GALR1: variants seen among roughly 807,000 people sequenced by gnomAD.
GALR1 encodes galanin receptor 1.
Under a neutral mutation model 17.9 loss-of-function variants are expected in GALR1, and 11 were observed. The observed-to-expected ratio is 0.62, with a 90% CI of 0.39 to 1.02. The LOEUF (loss-of-function observed/expected upper bound fraction) is 1.02. Among genes scored for constraint, GALR1 ranks in the 50% least tolerant of loss-of-function variants. GALR1 has a pLI of 0.01. For synonymous variants in GALR1, 206 were observed against 205.7 expected (o/e 1.00, Z -0.01); for missense variants, 441 against 456.9 (o/e 0.97, Z 0.32).
rs1555673300 is a variant in GALR1, at chr18:77,268,539, A to ACTG, written c.733-45_733-44insTGC. The ACTG allele has an allele frequency of 1.2e-5, 15 of 1,275,480 alleles. No homozygotes were observed. The East Asian group carries it at 2.2e-4, about 18-fold the overall frequency. The allele number at this position is 1,275,480 out of a possible 1,614,324, so 79.0% of individuals were successfully genotyped here. ...ATTTCCTTCCTTCTTCTTCTCCCTT[A>ACTG]CCGCCTCCTCCTCCTCCTCCTCCTC... On this transcript the variant is annotated intron_variant, in intron 2 of 2. Transcript: ENST00000299727.
At chr18:77,260,270 T>C (rs1912801155) in intron 2 of GALR1, among the ~76,000 whole-genome samples, 2 of 151,976 alleles carry the variant, frequency 1.3e-5, no homozygotes, top group African/African-American at 2.4e-5. Flanking sequence ...CCTCACAGAG[T>C]GGAAGGTGAA....
intron 1 of GALR1, among the ~76,000 whole-genome samples, chr18:77,254,245 C>T (rs978373172): frequency 9.2e-5 from 14 of 152,162 alleles, no homozygotes; most frequent in Non-Finnish European, 1.8e-4. Context: ...ATCATGGTAC[C>T]TACATTCTTC....
At chr18:77,260,298 C>T (rs548358650) in intron 2 of GALR1, among the ~76,000 whole-genome samples, 2 of 152,204 alleles carry the variant, frequency 1.3e-5, no homozygotes, top group African/African-American at 4.8e-5. Context: ...TCTCTGCGCC[C>T]TCTTTCATAA....
chr18:77,251,786 G>A (rs1229538638), intron 1 of GALR1, among the ~76,000 whole-genome samples: 2 of 152,208 alleles, frequency 1.3e-5, no homozygotes, highest in East Asian at 1.9e-4. Flanking sequence ...CTCTCCCCCG[G>A]GGTGCGCAGT....
intron 1 of GALR1, among the ~76,000 whole-genome samples, chr18:77,254,580 T>G (rs1912544768): frequency 6.6e-6 from 1 of 152,204 alleles, no homozygotes; most frequent in African/African-American, 2.4e-5. Context: ...CAGTGACCAG[T>G]GTTGTCCTGT....
intron 2 of GALR1, among the ~76,000 whole-genome samples, chr18:77,265,234 A>T (rs1912920243): frequency 6.6e-6 from 1 of 152,214 alleles, no homozygotes; most frequent in Non-Finnish European, 1.5e-5. Context: ...AGCCAAAACA[A>T]AGAGGCTACA....
rs908828310 is a variant in GALR1, at chr18:77,258,675, G to A, written c.732+2452G>A. On this transcript the variant is annotated intron_variant, in intron 2 of 2. Transcript: ENST00000299727. ...CATAGTGGTGGTGGTGGTGGTCATG[G>A]TGGTGATGGTGATGGTGGTGGTGGT... Among the ~76,000 whole-genome samples, 10 of 149,174 alleles carry A rather than the reference G, an allele frequency of 6.7e-5. No homozygotes were observed. The East Asian group carries it at 1.4e-3, about 21-fold the overall frequency.
At chr18:77,257,116 C>T (rs151252626) in intron 2 of GALR1, among the ~76,000 whole-genome samples, 264 of 152,122 alleles carry the variant, frequency 1.7e-3, no homozygotes, top group Non-Finnish European at 2.9e-3. Context: ...TAGTTTAGAT[C>T]ATGTTTAATC....
chr18:77,258,863 GTGATGGTGGTGA>G (rs1242574991), intron 2 of GALR1, among the ~76,000 whole-genome samples: 5 of 27,482 alleles, frequency 1.8e-4, no homozygotes, highest in Admixed American at 4.4e-4. Context: ...GATGGTGGTG[GTGATGGTGGTGA>G]TGATGGTGGT....
At chr18:77,256,596 A>G (rs937895791) in intron 2 of GALR1, among the ~76,000 whole-genome samples, 2 of 152,088 alleles carry the variant, frequency 1.3e-5, no homozygotes, top group Non-Finnish European at 2.9e-5. Flanking sequence ...TTATGTTTTC[A>G]ATCTCTGATG....
intron 2 of GALR1, among the ~76,000 whole-genome samples, chr18:77,259,311 G>A (rs62654099): frequency 0.26 from 4,971 of 19,234 alleles, 1,279 homozygotes; most frequent in East Asian, 0.63. Flanking sequence ...GATGATGGTG[G>A]TGATGATGGT....
In GALR1 at chr18:77,271,638, G is replaced by C. The variant is rs978751661; in HGVS notation, c.*2736G>C. On this transcript the variant is annotated 3_prime_UTR_variant, in exon 3 of 3. Coordinates refer to ENST00000299727, the MANE Select transcript of GALR1 (RefSeq NM_001480.4). ...GACACACTTTTTCTCCCAGCATCAGGTTGAGGGAGAAATATTGCTTATACC... is the reference window on the plus strand; with the variant it reads ...GACACACTTTTTCTCCCAGCATCAGCTTGAGGGAGAAATATTGCTTATACC... The C allele has an allele frequency of 6.6e-6, 1 of 152,158 alleles. No individual in the cohort carries two copies. Among genetic ancestry groups the C allele is most frequent in the African/African-American group, 2.4e-5 (1 of 41,432 alleles). The allele number at this position is 152,158 out of a possible 1,614,324, so 9.4% of individuals were successfully genotyped here. A position where few individuals can be genotyped will look rare whatever the true frequency, so the allele number is the denominator to read the frequency against.
rs1438987157 is a variant in GALR1, at chr18:77,250,763, T to A, written c.215T>A (p.Leu72Gln). Residue 72 changes from leucine to glutamine, a missense_variant, in exon 1 of 3, where the codon CTG becomes CAG. Physicochemically the swap from Leu to Gln is moderately radical, Grantham distance 113. Transcript: ENST00000299727. ...GGCAAGCCGCGGAGCACCACCAACC[T>A]GTTCATCCTCAACCTGAGCATCGCC... is the stretch of plus-strand genomic sequence containing the variant. ...KPGKPRSTTN[L>Q]FILNLSIADL... 1 of 1,613,992 alleles carries A rather than the reference T, an allele frequency of 6.2e-7. No homozygotes were observed. The highest frequency in any genetic ancestry group is 1.1e-5 in the South Asian group (1 of 91,086).
At chr18:77,255,219 A>G (rs978131414) in intron 1 of GALR1, among the ~76,000 whole-genome samples, 1 of 152,226 alleles carries the variant, frequency 6.6e-6, no homozygotes, top group African/African-American at 2.4e-5. Context: ...GATGGGATAT[A>G]GCAATGAACT....
At chr18:77,265,095 C>T (rs945730962) in intron 2 of GALR1, among the ~76,000 whole-genome samples, 5 of 152,184 alleles carry the variant, frequency 3.3e-5, no homozygotes, top group South Asian at 2.1e-4. Context: ...TTCAAAGTCT[C>T]ATCTGAGACA....
At chr18:77,257,854 G>C (rs1458636183) in intron 2 of GALR1, among the ~76,000 whole-genome samples, 4 of 152,188 alleles carry the variant, frequency 2.6e-5, no homozygotes, top group Admixed American at 1.3e-4. Flanking sequence ...ATTTCCCTTG[G>C]GAGGGATTGG....
At chr18:77,267,301 C>T (rs375478432) in intron 2 of GALR1, among the ~76,000 whole-genome samples, 8 of 152,312 alleles carry the variant, frequency 5.3e-5, no homozygotes, top group African/African-American at 1.7e-4. Context: ...ATTTTCCCTG[C>T]AGCTCAGCTG....
intron 1 of GALR1, among the ~76,000 whole-genome samples, chr18:77,252,124 TC>T (rs1401561767): frequency 1.3e-5 from 2 of 152,178 alleles, no homozygotes; most frequent in African/African-American, 2.4e-5. Flanking sequence ...CGGGCAGAGC[TC>T]AGCACTCACA....
In GALR1 at chr18:77,269,107, T is replaced by C. The variant is rs549159168; in HGVS notation, c.*205T>C. 1 of 558,262 alleles carries C rather than the reference T, an allele frequency of 1.8e-6. No individual in the cohort carries two copies. Among genetic ancestry groups the C allele is most frequent in the East Asian group, 3.0e-5 (1 of 33,014 alleles). The allele number at this position is 558,262 out of a possible 1,614,324, so 34.6% of individuals were successfully genotyped here. A position where few individuals can be genotyped will look rare whatever the true frequency, so the allele number is the denominator to read the frequency against. ...AGTGAGAATTATTTTTCAATTTTAT[T>C]TTAGTTCTAAATTATGTTTCAGAAA... On this transcript the variant is annotated 3_prime_UTR_variant, in exon 3 of 3. Transcript: ENST00000299727.
Sources: allele counts gnomAD v4.1 joint callset (sites outside exome capture counted in the v4.1 genomes callset), GRCh38; gene constraint gnomAD v4.1.1; transcripts MANE v1.5; gene names NCBI Gene and HGNC (gene_info 2026-07-23, HGNC 2026-07-21).